FARP1: variants seen among roughly 807,000 people sequenced by gnomAD.
FARP1 encodes the protein FERM, ARH/RhoGEF and pleckstrin domain protein 1.
Under a neutral mutation model 128.8 loss-of-function variants are expected in FARP1, and 52 were observed. That is an observed-to-expected ratio of 0.40 (90% CI 0.32 to 0.51). FARP1 has a LOEUF of 0.51. FARP1 is among the 20% of genes least tolerant of loss of function. The pLI, the probability that FARP1 is intolerant of heterozygous loss-of-function variation, is 0.45. For missense variants in FARP1, 1,333 were observed against 1,367.9 expected, an observed-to-expected ratio of 0.97 and a Z score of 0.40; for synonymous variants, 580 against 551.8, an observed-to-expected ratio of 1.05 and a Z score of -0.72.
intron 13 of FARP1, chr13:98,396,242 C>A (rs913583397): frequency 2.5e-6 from 1 of 399,024 alleles, no homozygotes; most frequent in Non-Finnish European, 4.4e-6. Context: ...GCTGTGCAGT[C>A]GGTGTGTGCC....
At chr13:98,289,865 C>T (rs1885367159) in intron 2 of FARP1, among the ~76,000 whole-genome samples, 1 of 152,084 alleles carries the variant, frequency 6.6e-6, no homozygotes, top group Admixed American at 6.5e-5. Flanking sequence ...TAAAATTAGC[C>T]CATACAGAAA....
intron 1 of FARP1, among the ~76,000 whole-genome samples, chr13:98,172,205 C>T (rs1400072076): frequency 3.3e-5 from 5 of 151,048 alleles, no homozygotes; most frequent in Admixed American, 6.7e-5. Context: ...GGGAGTCCTG[C>T]GGACACCAGG....
intron 1 of FARP1, among the ~76,000 whole-genome samples, chr13:98,160,271 A>G (rs1460264261): frequency 6.6e-6 from 1 of 152,198 alleles, no homozygotes; most frequent in Non-Finnish European, 1.5e-5. Flanking sequence ...TGGATATGCC[A>G]GCACTCTGGC....
intron 3 of FARP1, among the ~76,000 whole-genome samples, chr13:98,349,440 G>A (rs1249306306): frequency 6.6e-6 from 1 of 152,134 alleles, no homozygotes; most frequent in African/African-American, 2.4e-5. Flanking sequence ...GGGAGGCCGA[G>A]GCAGGCAGAT....
chr13:98,278,170 TGA>T lies in FARP1; in HGVS notation c.171+64759_171+64760del, dbSNP rs1414290645. On this transcript the variant is annotated intron_variant, in intron 2 of 26. Transcript: ENST00000319562. ...TATCCAGGGTGTGTGTATGAGTGAG[TGA>T]GTGTGTGTGTGTGTGTGTATGTTCT... Among the ~76,000 whole-genome samples, 18 of 132,610 alleles carry T rather than the reference TGA, an allele frequency of 1.4e-4. 1 individual carries two copies. The highest frequency in any genetic ancestry group is 1.2e-3 in the South Asian group (4 of 3,412). The allele number at this position is 132,610 out of a possible 152,430, so 87.0% of individuals were successfully genotyped here. A position where few individuals can be genotyped will look rare whatever the true frequency, so the allele number is the denominator to read the frequency against.
chr13:98,267,503 C>T (rs1289171779), intron 2 of FARP1, among the ~76,000 whole-genome samples: 1 of 152,198 alleles, frequency 6.6e-6, no homozygotes, highest in Non-Finnish European at 1.5e-5. Context: ...CATATCCTTC[C>T]CAAGGTTGGA....
At position 98,446,317 on chromosome 13, in the gene FARP1, G is replaced by C. The variant is rs774147497; in HGVS notation, c.2904+112G>C. On this transcript the variant is annotated intron_variant, in intron 25 of 26. Transcript: ENST00000319562. Reference sequence around the variant, plus strand: ...AGGCCTCTTGGGCTCCAGGTGTCACGGGGATGACAGGGATGCTGGCGGGGG... The same window carrying C: ...AGGCCTCTTGGGCTCCAGGTGTCACCGGGATGACAGGGATGCTGGCGGGGG... The C allele has an allele frequency of 6.5e-5, 45 of 688,298 alleles. No homozygotes were observed. In the East Asian group the frequency reaches 1.2e-3, roughly 18 times the overall value. The allele number at this position is 688,298 out of a possible 1,614,324, so 42.6% of individuals were successfully genotyped here.
chr13:98,404,647 T>C (rs879429317), intron 13 of FARP1: 17 of 152,294 alleles, frequency 1.1e-4, no homozygotes, highest in Admixed American at 5.2e-4. Context: ...TCTGGGCACA[T>C]AGAGAGAAAA....
intron 1 of FARP1, among the ~76,000 whole-genome samples, chr13:98,168,465 A>G (rs890716093): frequency 2.0e-5 from 3 of 152,168 alleles, no homozygotes; most frequent in African/African-American, 7.2e-5. Context: ...ATCCTGTTTC[A>G]TCCTTGAGAG....
chr13:98,237,903 T>A (rs527541889), intron 2 of FARP1, among the ~76,000 whole-genome samples: 1 of 152,310 alleles, frequency 6.6e-6, no homozygotes, highest in South Asian at 2.1e-4. Context: ...AACCTTGTGC[T>A]TTTTGCGAAA....
At chr13:98,392,425 G>C (rs925992927) in intron 11 of FARP1, among the ~76,000 whole-genome samples, 6 of 151,082 alleles carry the variant, frequency 4.0e-5, no homozygotes, top group Non-Finnish European at 8.8e-5. Context: ...GCTTGAGCCT[G>C]GGAGGTCAAG....
intron 2 of FARP1, among the ~76,000 whole-genome samples, chr13:98,287,068 G>C (rs987411498): frequency 2.7e-4 from 41 of 152,098 alleles, no homozygotes; most frequent in Non-Finnish European, 4.3e-4. Flanking sequence ...ACAGAAACCA[G>C]TTTCTGCTAT....
At chr13:98,200,847 A>G (rs537256043) in intron 1 of FARP1, among the ~76,000 whole-genome samples, 1 of 152,244 alleles carries the variant, frequency 6.6e-6, no homozygotes, top group East Asian at 1.9e-4. Context: ...GACTGGCTAG[A>G]GAAGTGTTTT....
intron 2 of FARP1, among the ~76,000 whole-genome samples, chr13:98,340,051 A>G (rs764271722): frequency 6.7e-6 from 1 of 150,274 alleles, no homozygotes; most frequent in Admixed American, 6.6e-5. Context: ...GTTTAACACC[A>G]TGTCCATAAA....
At chr13:98,185,178 T>C (rs1878778121) in intron 1 of FARP1, among the ~76,000 whole-genome samples, 1 of 152,318 alleles carries the variant, frequency 6.6e-6, no homozygotes, top group East Asian at 1.9e-4. Context: ...CTGTAAAATT[T>C]ATGCTTAATA....
At position 98,375,379 on chromosome 13, in the gene FARP1, AC is replaced by A. The variant is rs749349690; in HGVS notation, c.399-2441del. ...CTTGCTATGTTATAAATTGGCACTTACAATTTTTTTGCCAAATACTTGAGGC... is the reference window on the plus strand; with the variant it reads ...CTTGCTATGTTATAAATTGGCACTTAAATTTTTTTGCCAAATACTTGAGGC... On this transcript the variant is annotated intron_variant, in intron 5 of 26. Transcript: ENST00000319562. Among the ~76,000 whole-genome samples the A allele has an allele frequency of 4.8e-4, 73 of 152,286 alleles. 1 individual carries two copies. Among genetic ancestry groups the A allele is most frequent in the Admixed American group, 1.8e-3 (28 of 15,304 alleles).
At chr13:98,254,559 G>A (rs1883494235) in intron 2 of FARP1, among the ~76,000 whole-genome samples, 1 of 152,204 alleles carries the variant, frequency 6.6e-6, no homozygotes, top group African/African-American at 2.4e-5. Flanking sequence ...CTACTGATGA[G>A]AAGTGTATCC....
At chr13:98,268,974 C>T (rs981550926) in intron 2 of FARP1, among the ~76,000 whole-genome samples, 2 of 152,100 alleles carry the variant, frequency 1.3e-5, no homozygotes, top group African/African-American at 4.8e-5. Flanking sequence ...TCAAGGGATA[C>T]TCCTGCCTTG....
At chr13:98,372,600 A>G (rs9517278) in intron 5 of FARP1, among the ~76,000 whole-genome samples, 28,700 of 152,132 alleles carry the variant, frequency 0.19, 2,897 homozygotes, top group Middle Eastern at 0.26. Context: ...CTGCAGGAGA[A>G]TTCTAAATTG....
Sources: allele counts gnomAD v4.1 joint callset (sites outside exome capture counted in the v4.1 genomes callset), GRCh38; gene constraint gnomAD v4.1.1; transcripts MANE v1.5; gene names NCBI Gene and HGNC (gene_info 2026-07-23, HGNC 2026-07-21).